TRAPPC9: variants seen among roughly 807,000 people sequenced by gnomAD.
The protein encoded by TRAPPC9 is trafficking protein particle complex subunit 9.
A neutral mutation model predicts 124.0 loss-of-function variants in TRAPPC9; 83 were observed. That is an observed-to-expected ratio of 0.67 (90% CI 0.56 to 0.80). TRAPPC9 has a LOEUF of 0.80. Among genes scored for constraint, TRAPPC9 ranks in the 30% least tolerant of loss-of-function variants. The probability of loss-of-function intolerance (pLI) is 0.00; values close to 1 mark genes in which losing one functional copy is unlikely to be tolerated. For missense variants in TRAPPC9, 1,302 were observed against 1,508.3 expected, an observed-to-expected ratio of 0.86 and a Z score of 2.27; for synonymous variants, 638 against 617.5, an observed-to-expected ratio of 1.03 and a Z score of -0.49.
intron 1 of TRAPPC9, among the ~76,000 whole-genome samples, chr8:140,453,475 C>T (rs903338811): frequency 1.4e-5 from 1 of 72,870 alleles, no homozygotes; most frequent in Non-Finnish European, 3.1e-5. Context: ...AGCTTCTCAC[C>T]TGCACGGAGA....
At chr8:139,800,488 T>C (rs866462205) in intron 21 of TRAPPC9, among the ~76,000 whole-genome samples, 3 of 152,198 alleles carry the variant, frequency 2.0e-5, no homozygotes, top group African/African-American at 7.2e-5. Flanking sequence ...AGCTGCTTTC[T>C]GGGTCGCCTG....
rs1554668199 is a variant in TRAPPC9, at chr8:139,900,973, AAAATAAAT to A, written c.2964+9166_2964+9173del. ...TGAGGTGTGTGAGCCTCATCTCTCA[AAAATAAAT>A]AAATAAATAAATAAATAAATAAAAT... On this transcript the variant is annotated intron_variant, in intron 20 of 22. Coordinates refer to ENST00000438773, the MANE Select transcript of TRAPPC9 (RefSeq NM_001160372.4). Among the ~76,000 whole-genome samples the A allele has an allele frequency of 2.0e-3, 241 of 118,356 alleles. 1 individual carries two copies. The highest frequency in any genetic ancestry group is 0.02 in the Middle Eastern group (5 of 248). 77.6% of individuals were successfully genotyped at this position (118,356 alleles called of 152,430 possible).
At chr8:139,800,703 C>T (rs888070596) in intron 21 of TRAPPC9, among the ~76,000 whole-genome samples, 2 of 152,106 alleles carry the variant, frequency 1.3e-5, no homozygotes, top group African/African-American at 4.8e-5. Flanking sequence ...GGGACTGGAG[C>T]CCAGGAGAGC....
At chr8:139,995,505 A>G (rs1317162668) in intron 18 of TRAPPC9, among the ~76,000 whole-genome samples, 1 of 152,150 alleles carries the variant, frequency 6.6e-6, no homozygotes, top group East Asian at 1.9e-4. Context: ...GCCAGTTTGC[A>G]TCACTCTGAT....
At chr8:139,746,928 A>C (rs774776572) in intron 21 of TRAPPC9, among the ~76,000 whole-genome samples, 4 of 152,218 alleles carry the variant, frequency 2.6e-5, no homozygotes, top group Non-Finnish European at 5.9e-5. Context: ...GACTATATTA[A>C]GTGCTTCCCC....
intron 16 of TRAPPC9, among the ~76,000 whole-genome samples, chr8:140,242,770 A>G (rs1465849337): frequency 4.6e-5 from 7 of 152,356 alleles, no homozygotes; most frequent in South Asian, 4.1e-4. Context: ...GCAGCAGTGA[A>G]GCAGAGTCGG....
At chr8:140,050,163 G>A (rs1286173758) in intron 17 of TRAPPC9, among the ~76,000 whole-genome samples, 4 of 152,218 alleles carry the variant, frequency 2.6e-5, no homozygotes, top group African/African-American at 9.7e-5. Context: ...CGGCAATGGA[G>A]GCCTTTGGTT....
At chr8:139,902,044 C>A (rs924132164) in intron 20 of TRAPPC9, among the ~76,000 whole-genome samples, 3 of 152,186 alleles carry the variant, frequency 2.0e-5, no homozygotes, top group African/African-American at 7.2e-5. Flanking sequence ...TCACAATAAT[C>A]ATCACGCTAA....
At chr8:140,359,659 T>A (rs1253614093) in intron 9 of TRAPPC9, among the ~76,000 whole-genome samples, 1 of 152,072 alleles carries the variant, frequency 6.6e-6, no homozygotes, top group African/African-American at 2.4e-5. Flanking sequence ...TGGTGAGAAT[T>A]TACTGAGCCA....
intron 17 of TRAPPC9, among the ~76,000 whole-genome samples, chr8:140,192,334 G>A (rs1159164923): frequency 1.3e-5 from 2 of 152,264 alleles, no homozygotes; most frequent in African/African-American, 4.8e-5. Context: ...CCATGCTAGA[G>A]TGATGGGTGC....
chr8:140,266,182 CA>C (rs1588044936), intron 15 of TRAPPC9, among the ~76,000 whole-genome samples: 1 of 152,078 alleles, frequency 6.6e-6, no homozygotes, highest in East Asian at 1.9e-4. Context: ...AGTGGCCAGG[CA>C]TGGTGGGTCA....
chr8:140,003,252 G>A (rs1392505131), intron 18 of TRAPPC9, among the ~76,000 whole-genome samples: 2 of 152,126 alleles, frequency 1.3e-5, no homozygotes, highest in Non-Finnish European at 2.9e-5. Context: ...AGCACATGAA[G>A]AAAGGATCAA....
At chr8:139,765,117 A>G (rs191232333) in intron 21 of TRAPPC9, among the ~76,000 whole-genome samples, 3 of 152,280 alleles carry the variant, frequency 2.0e-5, no homozygotes, top group African/African-American at 7.2e-5. Flanking sequence ...TCAGGCTGGA[A>G]CGAGCACCCA....
intron 11 of TRAPPC9, among the ~76,000 whole-genome samples, chr8:140,299,324 T>C (rs2065900549): frequency 6.6e-6 from 1 of 152,014 alleles, no homozygotes; most frequent in Non-Finnish European, 1.5e-5. Flanking sequence ...AGGGAGCGCC[T>C]GCAGTCCGTA....
At position 139,845,399 on chromosome 8, in the gene TRAPPC9, G is replaced by A. The variant is rs537328088; in HGVS notation, c.3055+40480C>T. 9.8e-5 allele frequency among the ~76,000 whole-genome samples: 15 copies of A among 152,316 alleles called. No homozygotes were observed. In the South Asian group the frequency reaches 1.9e-3, roughly 19 times the overall value. On this transcript the variant is annotated intron_variant, in intron 21 of 22. Coordinates refer to ENST00000438773, the MANE Select transcript of TRAPPC9 (RefSeq NM_001160372.4). ...CCATAAAAGCGTACGACATTAAAACGCACTGGAGTGCCAGATGGCTAATAG... is the reference window on the plus strand; with the variant it reads ...CCATAAAAGCGTACGACATTAAAACACACTGGAGTGCCAGATGGCTAATAG...
In TRAPPC9 at chr8:140,252,939, T is replaced by C; in HGVS notation, c.2279-10A>G. On this transcript the variant is annotated splice_polypyrimidine_tract_variant and intron_variant, in intron 15 of 22. Transcript: ENST00000438773. This position sits in a 1 kb window ranked among gnomAD's most constrained non-coding sequence, Gnocchi z 4.2. Reference sequence around the variant, plus strand: ...TCGCCATACAATTTTTCTGTAATAATAACAATGACAGTGATGAGGATGCTG... The same window carrying C: ...TCGCCATACAATTTTTCTGTAATAACAACAATGACAGTGATGAGGATGCTG... 6.2e-7 allele frequency: 1 copy of C among 1,613,472 alleles called. No individual in the cohort carries two copies. Among genetic ancestry groups the C allele is most frequent in the South Asian group, 1.1e-5 (1 of 91,072 alleles).
At chr8:140,413,675 A>G in intron 5 of TRAPPC9, among the ~76,000 whole-genome samples, 1 of 83,902 alleles carries the variant, frequency 1.2e-5, no homozygotes, top group East Asian at 4.1e-4. Context: ...CCCACCCCAC[A>G]ACAGTCCTCA....
chr8:140,187,306 C>T (rs1045990745), intron 17 of TRAPPC9, among the ~76,000 whole-genome samples: 1 of 152,196 alleles, frequency 6.6e-6, no homozygotes, highest in Non-Finnish European at 1.5e-5. Context: ...CGATGCCCCA[C>T]CTAGACCAAG....
chr8:140,101,105 T>C (rs1326881705), intron 17 of TRAPPC9, among the ~76,000 whole-genome samples: 1 of 152,246 alleles, frequency 6.6e-6, no homozygotes, highest in East Asian at 1.9e-4. Context: ...CCACAAGCCA[T>C]CTTTTGGCCA....
Sources: allele counts gnomAD v4.1 joint callset (sites outside exome capture counted in the v4.1 genomes callset), GRCh38; gene constraint gnomAD v4.1.1; non-coding constraint Gnocchi (gnomAD v3.1); transcripts MANE v1.5; gene names NCBI Gene and HGNC (gene_info 2026-07-23, HGNC 2026-07-21).